Variants in CROCC observed in about 807,000 individuals in gnomAD.
CROCC encodes the protein rootletin.
A neutral mutation model predicts 245.2 loss-of-function variants in CROCC; 180 were observed. The observed-to-expected ratio is 0.73, with a 90% CI of 0.65 to 0.83. The LOEUF (loss-of-function observed/expected upper bound fraction) is 0.83, where lower values mean the gene tolerates loss of function less well. Among genes scored for constraint, CROCC ranks in the 40% least tolerant of loss-of-function variants. The probability of loss-of-function intolerance (pLI) is 0.00; values close to 1 mark genes in which losing one functional copy is unlikely to be tolerated. For synonymous variants in CROCC, 1,205 were observed against 1,241.6 expected, an observed-to-expected ratio of 0.97 and a Z score of 0.62; for missense variants, 2,688 against 2,779.4, an observed-to-expected ratio of 0.97 and a Z score of 0.74.
intron 2 of CROCC, among the ~76,000 whole-genome samples, chr1:16,923,603 G>GC (rs1198836303): frequency 6.6e-6 from 1 of 151,124 alleles, no homozygotes; most frequent in Non-Finnish European, 1.5e-5. Context: ...AGCCTTTAAA[G>GC]TTCCATGAAG....
chr1:16,928,717 C>A (rs1484822660), intron 3 of CROCC, among the ~76,000 whole-genome samples: 3 of 151,864 alleles, frequency 2.0e-5, no homozygotes, highest in Non-Finnish European at 4.4e-5. Flanking sequence ...GCAGGAGAAT[C>A]ATTTGAACCC....
chr1:16,921,455 G>A (rs1181877364), upstream of CROCC, among the ~76,000 whole-genome samples: 1 of 152,288 alleles, frequency 6.6e-6, no homozygotes, highest in Admixed American at 6.5e-5. Context: ...CCTGGCCTGG[G>A]TGATCTCACA....
At chr1:16,967,449 G>A (rs35991555) in intron 30 of CROCC, among the ~76,000 whole-genome samples, 2,687 of 152,282 alleles carry the variant, frequency 0.018, 50 homozygotes, top group Non-Finnish European at 0.028. Context: ...TTGTGTCTGC[G>A]GCTTCAACCC....
Position 16,966,216 on chromosome 1 carries a change from A to G in CROCC, c.4696+97A>G. On this transcript the variant is annotated intron_variant, in intron 29 of 36. Transcript: ENST00000375541. The surrounding 1 kb of genome is among the most constrained non-coding windows in gnomAD (Gnocchi z 4.8). The stretch of plus-strand genomic sequence containing the variant: ...GGCCTCTGACCTTGCCGTGGCCCCC[A>G]TGACCTGACTCGGGGCTGTCTCCAA... The G allele has an allele frequency of 6.6e-7, 1 of 1,514,168 alleles. No homozygotes were observed. The highest frequency in any genetic ancestry group is 8.9e-7 in the Non-Finnish European group (1 of 1,126,790). The allele number at this position is 1,514,168 out of a possible 1,614,324, so 93.8% of individuals were successfully genotyped here. A position where few individuals can be genotyped will look rare whatever the true frequency, so the allele number is the denominator to read the frequency against.
At chr1:16,923,262 C>T (rs1414680635) in intron 2 of CROCC, among the ~76,000 whole-genome samples, 1 of 152,286 alleles carries the variant, frequency 6.6e-6, no homozygotes, top group Non-Finnish European at 1.5e-5. Context: ...AGTTATGTGG[C>T]TTGAGGATCT....
Position 16,966,660 on chromosome 1 carries a change from T to C in CROCC, c.4860+89T>C, listed in dbSNP as rs1208390039. 7.3e-7 allele frequency: 1 copy of C among 1,376,572 alleles called. No homozygotes were observed. The highest frequency in any genetic ancestry group is 9.5e-7 in the Non-Finnish European group (1 of 1,053,034). 85.3% of individuals were successfully genotyped at this position (1,376,572 alleles called of 1,614,324 possible). A position where few individuals can be genotyped will look rare whatever the true frequency, so the allele number is the denominator to read the frequency against. On this transcript the variant is annotated intron_variant, in intron 30 of 36. Coordinates refer to ENST00000375541, the MANE Select transcript of CROCC (RefSeq NM_014675.5). This position sits in a 1 kb window ranked among gnomAD's most constrained non-coding sequence, Gnocchi z 4.8. ...TCTTATGTGTGTCTCCCTGTGTCTGTCTGCCTGAGTCTCTCTGCAACCCAC... is the reference window on the plus strand; with the variant it reads ...TCTTATGTGTGTCTCCCTGTGTCTGCCTGCCTGAGTCTCTCTGCAACCCAC...
Position 16,966,678 on chromosome 1 carries a change from C to A in CROCC, c.4860+107C>A. The A allele has an allele frequency of 7.6e-7, 1 of 1,307,414 alleles. No individual in the cohort carries two copies. The highest frequency in any genetic ancestry group is 1.0e-6 in the Non-Finnish European group (1 of 991,910). 81.0% of individuals were successfully genotyped at this position (1,307,414 alleles called of 1,614,324 possible). On this transcript the variant is annotated intron_variant, in intron 30 of 36. Transcript: ENST00000375541. The surrounding 1 kb of genome is among the most constrained non-coding windows in gnomAD (Gnocchi z 4.8). ...GTGTCTGTCTGCCTGAGTCTCTCTG[C>A]AACCCACTGAGGTGACCAGCCTGTG...
chr1:16,936,769 G>A lies in CROCC; in HGVS notation c.1089G>A (p.Leu363=). ...CAGCCCTGGAGAAACAGGCCCTGCTGCAGGCCCAGCTGGAGGAGCAGCTGC... is the reference window on the plus strand; with the variant it reads ...CAGCCCTGGAGAAACAGGCCCTGCTACAGGCCCAGCTGGAGGAGCAGCTGC... ...AEAALEKQAL[L]QAQLEEQLRD... is the part of the protein sequence containing the mutation. Residue 363 remains leucine (L), a synonymous_variant, in exon 9 of 37, where the codon CTG becomes CTA. Coordinates refer to ENST00000375541, the MANE Select transcript of CROCC (RefSeq NM_014675.5). 1 of 1,611,514 alleles carries A rather than the reference G, an allele frequency of 6.2e-7. No homozygotes were observed. The highest frequency in any genetic ancestry group is 1.1e-5 in the South Asian group (1 of 90,976).
chr1:16,927,821 G>A (rs2075570386), intron 3 of CROCC, among the ~76,000 whole-genome samples: 1 of 152,282 alleles, frequency 6.6e-6, no homozygotes, highest in African/African-American at 2.4e-5. Flanking sequence ...CATCCAGGCA[G>A]AAACCCCCTA....
chr1:16,941,762 CT>C (rs1443740170), intron 13 of CROCC, among the ~76,000 whole-genome samples: 1 of 152,056 alleles, frequency 6.6e-6, no homozygotes, highest in Non-Finnish European at 1.5e-5. Flanking sequence ...AAATTCAGTT[CT>C]TTAGTTGCCC....
chr1:16,916,448 G>A (rs141189912), intron 1 of CROCC, among the ~76,000 whole-genome samples: 102 of 152,374 alleles, frequency 6.7e-4, no homozygotes, highest in African/African-American at 1.6e-3. Context: ...AATACACATC[G>A]GCGTCCTGGG....
At chr1:16,959,698 T>C (rs886286553) in intron 26 of CROCC, among the ~76,000 whole-genome samples, 2 of 152,180 alleles carry the variant, frequency 1.3e-5, no homozygotes, top group Non-Finnish European at 2.9e-5. Flanking sequence ...TTTTAGTGCA[T>C]GCCCCCATTG....
chr1:16,938,087 C>T (rs2075832158), intron 10 of CROCC, among the ~76,000 whole-genome samples: 1 of 152,280 alleles, frequency 6.6e-6, no homozygotes, highest in Admixed American at 6.5e-5. Flanking sequence ...CTGCCCCCCA[C>T]CCCCACCAGT....
intron 27 of CROCC, among the ~76,000 whole-genome samples, chr1:16,964,957 A>G (rs1454799431): frequency 6.6e-6 from 1 of 152,176 alleles, no homozygotes; most frequent in Non-Finnish European, 1.5e-5. Context: ...CTGGGATTAC[A>G]GGCATGAGAC....
intron 12 of CROCC, among the ~76,000 whole-genome samples, chr1:16,939,592 C>T (rs567760152): frequency 8.3e-4 from 127 of 152,202 alleles, no homozygotes; most frequent in African/African-American, 3.0e-3. Context: ...AGCCTAGGAG[C>T]CCTGGGGGTG....
At chr1:16,968,851 G>A (rs564649346) in intron 31 of CROCC, among the ~76,000 whole-genome samples, 41 of 152,324 alleles carry the variant, frequency 2.7e-4, no homozygotes, top group Admixed American at 8.5e-4. Flanking sequence ...AGAGAGGAGT[G>A]AGGACAGGGA....
chr1:16,918,844 C>CT (rs2075345748), upstream of CROCC, among the ~76,000 whole-genome samples: 1 of 151,066 alleles, frequency 6.6e-6, no homozygotes, highest in South Asian at 2.1e-4. Context: ...TCAAGTGATT[C>CT]TTGTGCCTCA....
chr1:16,945,739 G>A, intron 15 of CROCC, 133 bp downstream of exon 15: 1 of 969,434 alleles, frequency 1.0e-6, no homozygotes, highest in South Asian at 1.7e-5. Context: ...CCTTCCTTCT[G>A]GATACAGGCT....
At chr1:16,923,185 TC>T (rs2075448232) in intron 2 of CROCC, among the ~76,000 whole-genome samples, 1 of 152,244 alleles carries the variant, frequency 6.6e-6, no homozygotes, top group Non-Finnish European at 1.5e-5. Flanking sequence ...GCGCCGTCCA[TC>T]CGTTTCCCAC....
Sources: gnomAD v4.1 joint callset for allele counts (sites outside exome capture counted in the v4.1 genomes callset) on GRCh38, gnomAD v4.1.1 for gene constraint, Gnocchi (gnomAD v3.1) non-coding constraint, MANE v1.5 for transcripts, NCBI Gene and HGNC (gene_info 2026-07-23, HGNC 2026-07-21) for gene names.